ZFHX3: variants seen among roughly 807,000 people sequenced by gnomAD.
ZFHX3 encodes the protein zinc finger homeobox 3, also known as zinc finger homeobox protein 3.
ZFHX3 carries 42 observed loss-of-function variants against 279.1 expected under a neutral mutation model. The ratio of observed to expected loss-of-function variants is 0.15; its 90% CI spans 0.12 to 0.19. ZFHX3 has a LOEUF of 0.19. Ranked by LOEUF, ZFHX3 falls within the 10% of genes least tolerant of loss-of-function variation. ZFHX3 has a pLI of 1.00. For synonymous variants in ZFHX3, 2,293 were observed against 1,957.8 expected, an observed-to-expected ratio of 1.17 and a Z score of -4.52; for missense variants, 4,981 against 4,754.0, an observed-to-expected ratio of 1.05 and a Z score of -1.40.
chr16:73,208,504 A>G (rs1011534763), intron 5 of ZFHX3, among the ~76,000 whole-genome samples: 2 of 152,090 alleles, frequency 1.3e-5, no homozygotes, highest in Non-Finnish European at 2.9e-5. Context: ...ATAACATGTT[A>G]ATTTTCATAG....
chr16:73,718,036 A>T lies in ZFHX3; in HGVS notation c.-1607-37796T>A, dbSNP rs543738512. On this transcript the variant is annotated intron_variant, in intron 1 of 17. Transcript: ENST00000641206. Reference sequence around the variant, plus strand: ...GGATGTTTATTCTCATACAAATTCAAACCCTAACGTGTTATCTTTTCTCCA... The same window carrying T: ...GGATGTTTATTCTCATACAAATTCATACCCTAACGTGTTATCTTTTCTCCA... Among the ~76,000 whole-genome samples, 365 of 152,266 alleles carry T rather than the reference A, an allele frequency of 2.4e-3. 1 individual carries two copies. Among genetic ancestry groups the T allele is most frequent in the African/African-American group, 8.3e-3 (345 of 41,532 alleles).
At chr16:73,682,882 GAAAGAAAGAA>G (rs1308657762) in intron 1 of ZFHX3, among the ~76,000 whole-genome samples, 9 of 44,718 alleles carry the variant, frequency 2.0e-4, no homozygotes, top group East Asian at 1.5e-3. Context: ...AAGAAAGAAA[GAAAGAAAGAA>G]AGAAAGAAAG....
chr16:73,838,495 C>A (rs2142366182), intron 1 of ZFHX3, among the ~76,000 whole-genome samples: 1 of 152,284 alleles, frequency 6.6e-6, no homozygotes. Flanking sequence ...AGGTCCAGCA[C>A]TTGGAGAACT....
chr16:73,305,380 C>T (rs2015157849), intron 4 of ZFHX3, among the ~76,000 whole-genome samples: 1 of 151,820 alleles, frequency 6.6e-6, no homozygotes, highest in African/African-American at 2.4e-5. Context: ...TGGTCATTGC[C>T]CTGGTAAGAT....
At position 72,959,212 on chromosome 16, in the gene ZFHX3, C is replaced by T; in HGVS notation, c.934G>A (p.Asp312Asn). ...TTATTGCTAAGAATTTTCCGCTCGTCTTCGCTCAGGGTCATTCGATGGTCA... is the reference window on the plus strand; with the variant it reads ...TTATTGCTAAGAATTTTCCGCTCGTTTTCGCTCAGGGTCATTCGATGGTCA... ...VHDHRMTLSE[D>N]ERKILSNKNI... The change falls in exon 2 of 10, where the codon GAC (aspartate) becomes AAC (asparagine). Residue 312 changes from aspartate to asparagine, a missense_variant. Around this residue, in one of 7 missense-constraint regions of ZFHX3, gnomAD observed 1,068 missense variants for 935.2 expected, o/e 1.14. Transcript: ENST00000268489. 1.2e-6 allele frequency: 2 copies of T among 1,614,210 alleles called. No individual in the cohort carries two copies. Among genetic ancestry groups the T allele is most frequent in the Non-Finnish European group, 1.7e-6 (2 of 1,180,038 alleles).
intron 1 of ZFHX3, among the ~76,000 whole-genome samples, chr16:73,022,599 G>C (rs117648185): frequency 0.014 from 2,110 of 152,190 alleles, 43 homozygotes; most frequent in African/African-American, 0.048. Flanking sequence ...CCAAATCTTG[G>C]GGGGAGGAAG....
chr16:73,528,962 G>A (rs1450011448), intron 2 of ZFHX3, among the ~76,000 whole-genome samples: 1 of 152,156 alleles, frequency 6.6e-6, no homozygotes, highest in African/African-American at 2.4e-5. Flanking sequence ...CGAATCCCCA[G>A]TTCCATAACA....
Position 73,636,252 on chromosome 16 carries a change from G to A in ZFHX3, c.-1547+43928C>T, listed in dbSNP as rs977948730. On this transcript the variant is annotated intron_variant, in intron 2 of 17. Coordinates refer to the ZFHX3 transcript ENST00000641206. ...CAAAACTAAACTCATTACAACAAACGAGAAGAATACATGCTCAACATAATG... is the reference window on the plus strand; with the variant it reads ...CAAAACTAAACTCATTACAACAAACAAGAAGAATACATGCTCAACATAATG... Among the ~76,000 whole-genome samples the A allele has an allele frequency of 3.9e-5, 6 of 152,048 alleles. No individual in the cohort carries two copies. The East Asian group carries it at 7.7e-4, about 20-fold the overall frequency.
intron 2 of ZFHX3, among the ~76,000 whole-genome samples, chr16:73,532,837 T>C (rs1332900550): frequency 6.6e-6 from 1 of 152,190 alleles, no homozygotes; most frequent in African/African-American, 2.4e-5. Flanking sequence ...CCCATAATAG[T>C]GAGTGAGTTC....
intron 2 of ZFHX3, among the ~76,000 whole-genome samples, chr16:73,472,268 T>TAA (rs199783028): frequency 0.015 from 1,959 of 132,320 alleles, 18 homozygotes; most frequent in African/African-American, 0.02. Context: ...TTTTAAATCT[T>TAA]AAAAAAAAAA....
At chr16:73,673,773 G>C in intron 2 of ZFHX3, among the ~76,000 whole-genome samples, 1 of 152,276 alleles carries the variant, frequency 6.6e-6, no homozygotes, top group East Asian at 1.9e-4. Flanking sequence ...GCTGGAACCT[G>C]AGTTTGTTAT....
intron 1 of ZFHX3, among the ~76,000 whole-genome samples, chr16:72,985,793 C>A (rs1253378804): frequency 6.6e-6 from 1 of 152,058 alleles, no homozygotes; most frequent in Non-Finnish European, 1.5e-5. Flanking sequence ...GTCTTCCGCC[C>A]AACCAGGGAA....
At chr16:73,594,979 A>G (rs2052034320) in intron 2 of ZFHX3, among the ~76,000 whole-genome samples, 1 of 152,116 alleles carries the variant, frequency 6.6e-6, no homozygotes, top group African/African-American at 2.4e-5. Flanking sequence ...TTTCTTGTCA[A>G]TATCCTGGAG....
intron 4 of ZFHX3, among the ~76,000 whole-genome samples, chr16:73,263,479 G>A (rs935016468): frequency 2.6e-5 from 4 of 152,180 alleles, no homozygotes; most frequent in African/African-American, 7.2e-5. Flanking sequence ...GTAAGCCACT[G>A]TGCCCAGCCT....
intron 7 of ZFHX3, chr16:73,127,339 G>C (rs1478747627): frequency 7.7e-7 from 1 of 1,304,484 alleles, no homozygotes; most frequent in Non-Finnish European, 1.0e-6. Flanking sequence ...CCGTACAGAG[G>C]AAAGCCGATA....
At chr16:73,680,290 A>C (rs1042732022) in intron 1 of ZFHX3, 1 of 152,218 alleles carries the variant, frequency 6.6e-6, no homozygotes, top group African/African-American at 2.4e-5. Flanking sequence ...GAAAAATATC[A>C]ATCAAAATGA....
chr16:73,141,232 C>A (rs1966847124), intron 6 of ZFHX3, among the ~76,000 whole-genome samples: 1 of 152,108 alleles, frequency 6.6e-6, no homozygotes, highest in African/African-American at 2.4e-5. Context: ...GAGATTGTAT[C>A]AGTGGGAACT....
intron 1 of ZFHX3, among the ~76,000 whole-genome samples, chr16:73,046,450 C>G (rs921249624): frequency 6.6e-6 from 1 of 152,108 alleles, no homozygotes; most frequent in Non-Finnish European, 1.5e-5. Flanking sequence ...ACAGCACTCT[C>G]GTGTCCTCCT....
At position 73,631,898 on chromosome 16, in the gene ZFHX3, T is replaced by TTA. The variant is rs369640745; in HGVS notation, c.-1547+48281_-1547+48282insTA. On this transcript the variant is annotated intron_variant, in intron 2 of 17. Transcript: ENST00000641206. ...CTCCAGCCTGGGTGATAGAGTGGGA[T>TTA]TCTCTCTCTCTCTCTCTCTCTCTCT... 2.6e-3 allele frequency among the ~76,000 whole-genome samples: 340 copies of TTA among 130,294 alleles called. 2 individuals carry two copies. The highest frequency in any genetic ancestry group is 9.1e-3 in the African/African-American group (315 of 34,606). 85.5% of individuals were successfully genotyped at this position (130,294 alleles called of 152,430 possible). A position where few individuals can be genotyped will look rare whatever the true frequency, so the allele number is the denominator to read the frequency against.
Sources: allele counts gnomAD v4.1 joint callset (sites outside exome capture counted in the v4.1 genomes callset), GRCh38; gene constraint gnomAD v4.1.1; regional missense constraint gnomAD v4.1.1; transcripts MANE v1.5; gene names NCBI Gene and HGNC (gene_info 2026-07-23, HGNC 2026-07-21).